The following NSUN4 variants were observed in gnomAD, a reference collection of about 807,000 sequenced individuals.
The protein encoded by NSUN4 is 5-cytosine rRNA methyltransferase NSUN4.
A neutral mutation model predicts 43.8 loss-of-function variants in NSUN4; 31 were observed. The observed-to-expected ratio is 0.71, with a 90% CI of 0.53 to 0.96. NSUN4 has a LOEUF of 0.96. Ranked by LOEUF, NSUN4 falls within the 40% of genes least tolerant of loss-of-function variation. NSUN4 has a pLI of 0.00. For synonymous variants in NSUN4, 167 were observed against 184.1 expected (o/e 0.91, Z 0.75); for missense variants, 439 against 475.6 (o/e 0.92, Z 0.72).
At chr1:46,342,354 G>C in intron 1 of NSUN4, 1 of 399,260 alleles carries the variant, frequency 2.5e-6, no homozygotes, top group Non-Finnish European at 4.4e-6. Context: ...TTCTCAGGCA[G>C]GCATGCCTGG....
At position 46,342,081 on chromosome 1, in the gene NSUN4, C is replaced by T. The variant is rs117310638; in HGVS notation, c.93+1162C>T. 2.1e-4 allele frequency: 129 copies of T among 607,270 alleles called. 1 individual carries two copies. The East Asian group carries it at 4.4e-3, about 21-fold the overall frequency. 37.6% of individuals were successfully genotyped at this position (607,270 alleles called of 1,614,324 possible). ...CCCGGGAACTTGCCTCACGATTTCA[C>T]CTCCTCTTGCTCGCCGGCCGGTGGA... On this transcript the variant is annotated intron_variant, in intron 1 of 5. Coordinates refer to ENST00000474844, the MANE Select transcript of NSUN4 (RefSeq NM_199044.4).
intron 1 of NSUN4, 39 bp from the exon 2 acceptor site, chr1:46,344,762 A>C (rs1282610161): frequency 6.4e-7 from 1 of 1,573,462 alleles, no homozygotes; most frequent in Non-Finnish European, 8.7e-7. Flanking sequence ...GGTAGAGTCA[A>C]GACTGGGAAA....
intron 1 of NSUN4, chr1:46,341,193 T>A: frequency 1.6e-6 from 2 of 1,215,746 alleles, no homozygotes; most frequent in Non-Finnish European, 2.1e-6. Context: ...TGTCACTGTC[T>A]CTTGTTCCCC....
At chr1:46,366,347 G>T (rs1664131638), downstream of NSUN4, among the ~76,000 whole-genome samples, 1 of 152,032 alleles carries the variant, frequency 6.6e-6, no homozygotes, top group Admixed American at 6.6e-5. Context: ...AGAGGTAGGG[G>T]GATAGGATGG....
chr1:46,359,132 C>T (rs1422117902), intron 4 of NSUN4, among the ~76,000 whole-genome samples: 4 of 151,916 alleles, frequency 2.6e-5, no homozygotes, highest in Non-Finnish European at 5.9e-5. Flanking sequence ...TGGTATTGTG[C>T]GCCTGTAGTC....
At chr1:46,382,697 G>T in the NSUN4 span, among the ~76,000 whole-genome samples, 1 of 151,676 alleles carries the variant, frequency 6.6e-6, no homozygotes, top group Non-Finnish European at 1.5e-5. Context: ...CACCTCCCAG[G>T]TTTAAGTGAT....
At position 46,363,765 on chromosome 1, in the gene NSUN4, A is replaced by T. The variant is rs1048960974; in HGVS notation, c.*1919A>T. The T allele has an allele frequency of 1.3e-5, 2 of 152,610 alleles. No homozygotes were observed. The highest frequency in any genetic ancestry group is 4.8e-5 in the African/African-American group (2 of 41,446). 9.5% of individuals were successfully genotyped at this position (152,610 alleles called of 1,614,324 possible). ...TGGAATATTCACATAATAGAACATTATACAATTGTCAAATGAACTATAATG... is the reference window on the plus strand; with the variant it reads ...TGGAATATTCACATAATAGAACATTTTACAATTGTCAAATGAACTATAATG... On this transcript the variant is annotated 3_prime_UTR_variant, in exon 6 of 6. Transcript: ENST00000474844.
At chr1:46,380,132 C>T in the NSUN4 span, among the ~76,000 whole-genome samples, 2 of 152,164 alleles carry the variant, frequency 1.3e-5, no homozygotes, top group Admixed American at 6.5e-5. Flanking sequence ...ACTTCACACC[C>T]TCTGGAATCT....
chr1:46,352,677 G>T (rs1474071116), intron 3 of NSUN4, among the ~76,000 whole-genome samples, 191 bp from the exon 4 acceptor site: 1 of 152,108 alleles, frequency 6.6e-6, no homozygotes, highest in Admixed American at 6.6e-5. Context: ...ATACTTTCTG[G>T]CCCATTTAGG....
At chr1:46,354,038 G>C (rs1262388197) in intron 4 of NSUN4, among the ~76,000 whole-genome samples, 1 of 151,808 alleles carries the variant, frequency 6.6e-6, no homozygotes, top group Non-Finnish European at 1.5e-5. Context: ...TAATTTTTTT[G>C]CCAAATGGAT....
chr1:46,341,784 C>T, intron 1 of NSUN4: 2 of 1,232,380 alleles, frequency 1.6e-6, no homozygotes, highest in Non-Finnish European at 2.0e-6. Flanking sequence ...GTTCAGCATT[C>T]CGGGGTCACC....
At chr1:46,368,299 G>A (rs1664181173), downstream of NSUN4, among the ~76,000 whole-genome samples, 3 of 152,130 alleles carry the variant, frequency 2.0e-5, no homozygotes, top group Non-Finnish European at 4.4e-5. Context: ...CCAGTACAAT[G>A]TGACTTTGCT....
intron 3 of NSUN4, among the ~76,000 whole-genome samples, chr1:46,349,975 A>G (rs2148384833): frequency 6.6e-6 from 1 of 152,366 alleles, no homozygotes; most frequent in Non-Finnish European, 1.5e-5. Context: ...CCTTCATCCC[A>G]GCTCCTCATC....
At chr1:46,348,831 T>C (rs1022032611) in intron 3 of NSUN4, among the ~76,000 whole-genome samples, 86 of 136,484 alleles carry the variant, frequency 6.3e-4, no homozygotes, top group Non-Finnish European at 1.2e-3. Flanking sequence ...TTTTTTTTTT[T>C]TGAGAAGAAG....
intron 3 of NSUN4, among the ~76,000 whole-genome samples, chr1:46,347,319 T>C (rs906897530): frequency 2.0e-4 from 31 of 152,092 alleles, no homozygotes; most frequent in African/African-American, 7.5e-4. Context: ...ACTCCTGTAA[T>C]ACCAGCTACT....
In NSUN4 at chr1:46,361,952, C is replaced by A; in HGVS notation, c.*106C>A. The A allele has an allele frequency of 9.6e-7, 1 of 1,043,632 alleles. No homozygotes were observed. The highest frequency in any genetic ancestry group is 1.4e-6 in the Non-Finnish European group (1 of 724,596). The allele number at this position is 1,043,632 out of a possible 1,614,324, so 64.6% of individuals were successfully genotyped here. ...AGAGATGCACTCTCGGTCCTGTCTC[C>A]ATCCTGTTCGTGTCTTTCTGCAGTT... On this transcript the variant is annotated 3_prime_UTR_variant, in exon 6 of 6. Transcript: ENST00000474844.
downstream of NSUN4, among the ~76,000 whole-genome samples, chr1:46,368,249 TTG>T: frequency 6.6e-6 from 1 of 152,232 alleles, no homozygotes; most frequent in South Asian, 2.1e-4. Context: ...CCCTTATCTG[TTG>T]TGTGATCGCC....
At chr1:46,370,783 G>A in the NSUN4 span, 81 of 152,376 alleles carry the variant, frequency 5.3e-4, no homozygotes, top group African/African-American at 1.8e-3. Flanking sequence ...TCTCCGGCTA[G>A]TTATCCACCA....
At chr1:46,352,786 G>T in intron 3 of NSUN4, 82 bp from the exon 4 acceptor site, 1 of 1,373,016 alleles carries the variant, frequency 7.3e-7, no homozygotes, top group East Asian at 2.3e-5. Flanking sequence ...GACTACCTGA[G>T]AATTGGTCTG....
Sources: allele counts gnomAD v4.1 joint callset (sites outside exome capture counted in the v4.1 genomes callset), GRCh38; gene constraint gnomAD v4.1.1; transcripts MANE v1.5; gene names NCBI Gene and HGNC (gene_info 2026-07-23, HGNC 2026-07-21).